PKNOX2: variants seen among roughly 807,000 people sequenced by gnomAD.
PKNOX2 encodes the protein PBX/knotted 1 homeobox 2.
In PKNOX2, 14 loss-of-function variants were observed where a neutral mutation model predicts 53.1. The observed-to-expected ratio is 0.26, with a 90% CI of 0.17 to 0.41. The LOEUF (loss-of-function observed/expected upper bound fraction) is 0.41. Among genes scored for constraint, PKNOX2 ranks in the 10% least tolerant of loss-of-function variants. PKNOX2 has a pLI of 1.00. For synonymous variants in PKNOX2, 257 were observed against 242.8 expected, an observed-to-expected ratio of 1.06 and a Z score of -0.54; for missense variants, 496 against 602.8, an observed-to-expected ratio of 0.82 and a Z score of 1.85.
chr11:125,217,012 C>T (rs1415431077), intron 1 of PKNOX2, among the ~76,000 whole-genome samples: 1 of 136,754 alleles, frequency 7.3e-6, no homozygotes, highest in East Asian at 3.2e-4. Flanking sequence ...CCTCAAAACA[C>T]ACACACACAC....
chr11:125,182,443 T>C (rs1052290761), intron 1 of PKNOX2, among the ~76,000 whole-genome samples: 16 of 152,210 alleles, frequency 1.1e-4, no homozygotes, highest in Non-Finnish European at 2.1e-4. Context: ...AAATCTCCCA[T>C]TGGCTGTGTA....
At chr11:125,189,552 T>C (rs1308735423) in intron 1 of PKNOX2, among the ~76,000 whole-genome samples, 1 of 145,672 alleles carries the variant, frequency 6.9e-6, no homozygotes, top group Non-Finnish European at 1.5e-5. Context: ...CGTCTTTAGA[T>C]TAAACTCAGA....
intron 11 of PKNOX2, 96 bp downstream of exon 11, chr11:125,429,184 A>G: frequency 8.4e-7 from 1 of 1,186,178 alleles, no homozygotes; most frequent in Non-Finnish European, 1.2e-6. Flanking sequence ...GAATGCCAGG[A>G]TCTGCCTCAA....
At chr11:125,384,920 A>G (rs1242659184) in intron 5 of PKNOX2, among the ~76,000 whole-genome samples, 1 of 152,198 alleles carries the variant, frequency 6.6e-6, no homozygotes, top group Non-Finnish European at 1.5e-5. Flanking sequence ...GATTTGCATC[A>G]CATAGTGATG....
intron 10 of PKNOX2, among the ~76,000 whole-genome samples, chr11:125,413,994 G>A (rs1184255461): frequency 7.0e-4 from 107 of 152,120 alleles, no homozygotes; most frequent in Admixed American, 6.9e-3. Flanking sequence ...CCTGGGAATC[G>A]TTAGCCTGAG....
chr11:125,402,237 G>A (rs1009572318), intron 7 of PKNOX2, among the ~76,000 whole-genome samples: 2 of 152,010 alleles, frequency 1.3e-5, no homozygotes, highest in African/African-American at 4.8e-5. Flanking sequence ...CCCTCCCTAG[G>A]AACCCATCCT....
At chr11:125,386,864 G>GACTC (rs776203649) in intron 6 of PKNOX2, among the ~76,000 whole-genome samples, 7,210 of 152,162 alleles carry the variant, frequency 0.047, 213 homozygotes, top group Middle Eastern at 0.065. Flanking sequence ...CAGAAGAGCT[G>GACTC]CCAGGAGAGC....
chr11:125,217,102 C>T (rs1940618214), intron 1 of PKNOX2, among the ~76,000 whole-genome samples: 1 of 151,834 alleles, frequency 6.6e-6, no homozygotes, highest in Non-Finnish European at 1.5e-5. Flanking sequence ...CACACACATG[C>T]ATGAACACCC....
chr11:125,214,952 T>C (rs1940311373), intron 1 of PKNOX2, among the ~76,000 whole-genome samples: 1 of 152,028 alleles, frequency 6.6e-6, no homozygotes, highest in African/African-American at 2.4e-5. Flanking sequence ...CCCAGGGGCC[T>C]GCGGGGTCAG....
At chr11:125,205,410 G>C (rs1002476171) in intron 1 of PKNOX2, among the ~76,000 whole-genome samples, 1 of 152,198 alleles carries the variant, frequency 6.6e-6, no homozygotes, top group Non-Finnish European at 1.5e-5. Context: ...TGTCTAGCAG[G>C]CCAGGCAGGC....
intron 2 of PKNOX2, among the ~76,000 whole-genome samples, chr11:125,238,669 T>C (rs1942924665): frequency 6.6e-6 from 1 of 152,238 alleles, no homozygotes; most frequent in African/African-American, 2.4e-5. Flanking sequence ...TGCTTAGTTA[T>C]ATCTAAATGG....
At chr11:125,395,850 C>T (rs1954353614) in intron 6 of PKNOX2, among the ~76,000 whole-genome samples, 1 of 151,992 alleles carries the variant, frequency 6.6e-6, no homozygotes, top group Admixed American at 6.6e-5. Flanking sequence ...ACTTGGTTTG[C>T]AAATATTCTC....
chr11:125,228,155 A>G (rs1400121082), intron 1 of PKNOX2, among the ~76,000 whole-genome samples: 1 of 152,218 alleles, frequency 6.6e-6, no homozygotes, highest in African/African-American at 2.4e-5. Context: ...GTCCTGCACA[A>G]CCTTCCACGA....
chr11:125,258,289 C>T (rs1411860731), intron 2 of PKNOX2, among the ~76,000 whole-genome samples: 1 of 152,152 alleles, frequency 6.6e-6, no homozygotes, highest in Non-Finnish European at 1.5e-5. Flanking sequence ...CCCATATACT[C>T]CGGGAAGTTT....
intron 5 of PKNOX2, among the ~76,000 whole-genome samples, chr11:125,384,337 G>A (rs912467927): frequency 6.6e-6 from 1 of 152,006 alleles, no homozygotes; most frequent in Non-Finnish European, 1.5e-5. Flanking sequence ...TGGCGGTGGG[G>A]GAATGGGGGT....
chr11:125,319,621 G>T (rs1448491117), intron 2 of PKNOX2, among the ~76,000 whole-genome samples: 1 of 152,178 alleles, frequency 6.6e-6, no homozygotes, highest in African/African-American at 2.4e-5. Flanking sequence ...GGAGAAAACA[G>T]GCATTACTCA....
At chr11:125,217,837 C>A (rs1359653109) in intron 1 of PKNOX2, among the ~76,000 whole-genome samples, 1 of 152,144 alleles carries the variant, frequency 6.6e-6, no homozygotes, top group Non-Finnish European at 1.5e-5. Flanking sequence ...GCCTCCTGAT[C>A]CCTCCATCAC....
chr11:125,198,387 G>A (rs1257443672), intron 1 of PKNOX2, among the ~76,000 whole-genome samples: 1 of 152,206 alleles, frequency 6.6e-6, no homozygotes, highest in Non-Finnish European at 1.5e-5. Context: ...CCATCAATCA[G>A]TTTCAGCCGC....
chr11:125,185,237 A>G (rs1181420189), intron 1 of PKNOX2, among the ~76,000 whole-genome samples: 2 of 152,208 alleles, frequency 1.3e-5, no homozygotes, highest in African/African-American at 2.4e-5. Flanking sequence ...ATTTACAGTT[A>G]CTGAGTTTGA....
Sources: allele counts gnomAD v4.1 joint callset (sites outside exome capture counted in the v4.1 genomes callset), GRCh38; gene constraint gnomAD v4.1.1; transcripts MANE v1.5; gene names NCBI Gene and HGNC (gene_info 2026-07-23, HGNC 2026-07-21).